The following C8A variants were observed in gnomAD, a reference collection of about 807,000 sequenced individuals.
C8A encodes complement component C8 alpha chain.
C8A carries 67 observed loss-of-function variants against 65.3 expected under a neutral mutation model. The ratio of observed to expected loss-of-function variants is 1.03; its 90% CI spans 0.84 to 1.26. C8A has a LOEUF of 1.26. Ranked by LOEUF, C8A falls within the 50% of genes most tolerant of loss-of-function variation. The pLI is 0.00. For missense variants in C8A, 781 were observed against 723.9 expected, an observed-to-expected ratio of 1.08 and a Z score of -0.90; for synonymous variants, 290 against 259.4, an observed-to-expected ratio of 1.12 and a Z score of -1.13.
intron 7 of C8A, among the ~76,000 whole-genome samples, chr1:56,898,161 T>G (rs6692425): frequency 0.025 from 3,739 of 152,192 alleles, 130 homozygotes; most frequent in African/African-American, 0.086. Flanking sequence ...ACTCAAAGGT[T>G]GGACTCGGTT....
intron 7 of C8A, among the ~76,000 whole-genome samples, chr1:56,897,215 A>C (rs1308348183): frequency 6.6e-6 from 1 of 152,200 alleles, no homozygotes; most frequent in Admixed American, 6.5e-5. Flanking sequence ...ATGTTGAGTC[A>C]GTTTGACCCA....
chr1:56,917,194 C>T (rs1644559332), intron 10 of C8A, among the ~76,000 whole-genome samples: 2 of 152,222 alleles, frequency 1.3e-5, no homozygotes, highest in African/African-American at 2.4e-5. Context: ...GCAGTGAGCA[C>T]AGAGGTCTTG....
At position 56,917,563 on chromosome 1, in the gene C8A, A is replaced by T. The variant is rs200106592; in HGVS notation, c.1604-2A>T. 1 of 1,614,184 alleles carries T rather than the reference A, an allele frequency of 6.2e-7. No individual in the cohort carries two copies. The highest frequency in any genetic ancestry group is 8.5e-7 in the Non-Finnish European group (1 of 1,180,022). On this transcript the variant is annotated splice_acceptor_variant, in intron 10 of 10. Transcript: ENST00000361249. LOFTEE classifies it high-confidence loss of function. Reference sequence around the variant, plus strand: ...CTCCTCCCTGGGAAATTTCCTCTGCAGGAGCCAAAGCAGATGGGAGCTGGA... The same window carrying T: ...CTCCTCCCTGGGAAATTTCCTCTGCTGGAGCCAAAGCAGATGGGAGCTGGA...
chr1:56,895,460 C>T (rs192744899), intron 7 of C8A, among the ~76,000 whole-genome samples: 2 of 152,106 alleles, frequency 1.3e-5, no homozygotes, highest in African/African-American at 4.8e-5. Context: ...AACTCAAGAA[C>T]CTGTAATGTT....
chr1:56,878,451 C>A (rs905507740), intron 4 of C8A, among the ~76,000 whole-genome samples: 1 of 152,130 alleles, frequency 6.6e-6, no homozygotes, highest in Non-Finnish European at 1.5e-5. Flanking sequence ...GAACATGGAT[C>A]TTCTCCCACG....
chr1:56,883,422 T>C (rs1644263200), intron 5 of C8A, 59 bp from the exon 6 acceptor site: 2 of 1,415,006 alleles, frequency 1.4e-6, no homozygotes, highest in Admixed American at 1.7e-5. Context: ...AAGTATTAAA[T>C]ATGAATTGAG....
chr1:56,912,853 A>G (rs539316638), intron 10 of C8A, among the ~76,000 whole-genome samples: 9 of 152,314 alleles, frequency 5.9e-5, no homozygotes, highest in Non-Finnish European at 1.0e-4. Flanking sequence ...GCCAAGATGT[A>G]TATGGACAAC....
At chr1:56,900,581 C>A (rs139632544) in intron 7 of C8A, among the ~76,000 whole-genome samples, 1 of 152,184 alleles carries the variant, frequency 6.6e-6, no homozygotes, top group Non-Finnish European at 1.5e-5. Flanking sequence ...TTCTCCTTGT[C>A]CCAGAATATT....
At chr1:56,904,615 C>T (rs971008787) in intron 7 of C8A, among the ~76,000 whole-genome samples, 4 of 152,128 alleles carry the variant, frequency 2.6e-5, no homozygotes, top group African/African-American at 4.8e-5. Context: ...CAGACTTGAG[C>T]GTGAATCTCA....
rs374672069 is a variant in C8A at position 56,885,149 on chromosome 1, G to T, written c.856-778G>T. Reference sequence around the variant, plus strand: ...CTGATGAGAACTTGACCTAGGCAGGGGCAATGGGAACAGAGATGGAGGTGT... The same window carrying T: ...CTGATGAGAACTTGACCTAGGCAGGTGCAATGGGAACAGAGATGGAGGTGT... On this transcript the variant is annotated intron_variant, in intron 6 of 10. Transcript: ENST00000361249. Among the ~76,000 whole-genome samples, 28 of 151,536 alleles carry T rather than the reference G, an allele frequency of 1.8e-4. No individual in the cohort carries two copies. In the South Asian group the frequency reaches 5.6e-3, roughly 30 times the overall value.
At chr1:56,876,849 T>A (rs1369072663) in intron 4 of C8A, among the ~76,000 whole-genome samples, 1 of 152,164 alleles carries the variant, frequency 6.6e-6, no homozygotes, top group Non-Finnish European at 1.5e-5. Context: ...TCCTGGAATA[T>A]TCTTTCCCGA....
intron 9 of C8A, among the ~76,000 whole-genome samples, chr1:56,909,326 C>T (rs977396467): frequency 6.6e-6 from 1 of 152,180 alleles, no homozygotes; most frequent in African/African-American, 2.4e-5. Context: ...ATATAGTCCT[C>T]CTCTTAAAAC....
rs1190968748 is a variant in C8A, at chr1:56,886,242, C to T, written c.1096+75C>T. On this transcript the variant is annotated intron_variant, in intron 7 of 10. Transcript: ENST00000361249. ...GTCATGGTTTGAAGTTTTCTAAGCA[C>T]TGACTATGAGCCATGGGTGATCTCA... 25 of 1,561,308 alleles carry T rather than the reference C, an allele frequency of 1.6e-5. No individual in the cohort carries two copies. In the South Asian group the frequency reaches 2.2e-4, roughly 14 times the overall value.
chr1:56,910,780 A>G (rs1644498870), intron 9 of C8A, among the ~76,000 whole-genome samples: 1 of 152,184 alleles, frequency 6.6e-6, no homozygotes, highest in Non-Finnish European at 1.5e-5. Context: ...ACACATTTCC[A>G]GGAACTCAGA....
At chr1:56,889,103 C>T (rs1030653335) in intron 7 of C8A, among the ~76,000 whole-genome samples, 3 of 152,122 alleles carry the variant, frequency 2.0e-5, no homozygotes, top group Admixed American at 1.3e-4. Context: ...AGGAGCCCAC[C>T]GACAAATTGT....
Position 56,918,009 on chromosome 1 carries a change from A to C in C8A, c.*293A>C. 3.3e-6 allele frequency: 1 copy of C among 306,892 alleles called. No homozygotes were observed. Among genetic ancestry groups the C allele is most frequent in the South Asian group, 4.5e-5 (1 of 22,290 alleles). 19.0% of individuals were successfully genotyped at this position (306,892 alleles called of 1,614,324 possible). ...TAAAGTAAAATAGAAAACTGAGAAAACTCAATCCATGACCAGGGAGAACTT... is the reference window on the plus strand; with the variant it reads ...TAAAGTAAAATAGAAAACTGAGAAACCTCAATCCATGACCAGGGAGAACTT... On this transcript the variant is annotated 3_prime_UTR_variant, in exon 11 of 11. Transcript: ENST00000361249.
intron 4 of C8A, among the ~76,000 whole-genome samples, chr1:56,880,824 G>A (rs1318203989): frequency 6.6e-6 from 1 of 152,152 alleles, no homozygotes; most frequent in Non-Finnish European, 1.5e-5. Flanking sequence ...GAGGGCAGTA[G>A]TATTTAAGAA....
intron 1 of C8A, among the ~76,000 whole-genome samples, chr1:56,860,657 A>C (rs1644024967): frequency 6.6e-6 from 1 of 152,188 alleles, no homozygotes; most frequent in Non-Finnish European, 1.5e-5. Flanking sequence ...CATGTCTAAG[A>C]GGCATTTGAT....
intron 10 of C8A, among the ~76,000 whole-genome samples, chr1:56,914,866 T>C (rs1218683224): frequency 1.3e-5 from 2 of 152,042 alleles, no homozygotes; most frequent in Non-Finnish European, 2.9e-5. Flanking sequence ...TTACTGGAGA[T>C]GGGTTTTCGC....
Sources: allele counts gnomAD v4.1 joint callset (sites outside exome capture counted in the v4.1 genomes callset), GRCh38; gene constraint gnomAD v4.1.1; transcripts MANE v1.5; gene names NCBI Gene and HGNC (gene_info 2026-07-23, HGNC 2026-07-21).